The following SLC24A2 variants were observed in gnomAD, a reference collection of about 807,000 sequenced individuals.
SLC24A2 encodes the protein sodium/potassium/calcium exchanger 2.
In SLC24A2, 36 loss-of-function variants were observed where a neutral mutation model predicts 62.0. That is an observed-to-expected ratio of 0.58 (90% CI 0.44 to 0.77). The LOEUF (loss-of-function observed/expected upper bound fraction) is 0.77, where lower values mean the gene tolerates loss of function less well. SLC24A2 is among the 30% of genes least tolerant of loss of function. SLC24A2 has a pLI of 0.00. For synonymous variants in SLC24A2, 358 were observed against 294.0 expected (o/e 1.22, Z -2.23); for missense variants, 846 against 817.9 (o/e 1.03, Z -0.42).
the SLC24A2 span, among the ~76,000 whole-genome samples, chr9:19,830,963 T>C: frequency 6.6e-6 from 1 of 152,174 alleles, no homozygotes; most frequent in African/African-American, 2.4e-5. Context: ...TATTCTCTGC[T>C]TCCAAGAGGG....
chr9:19,933,734 GATGA>G, the SLC24A2 span, among the ~76,000 whole-genome samples: 4 of 152,194 alleles, frequency 2.6e-5, no homozygotes. Flanking sequence ...TTCATCAACT[GATGA>G]ATGGATAAAC....
At chr9:20,265,386 G>A in the SLC24A2 span, among the ~76,000 whole-genome samples, 1 of 152,180 alleles carries the variant, frequency 6.6e-6, no homozygotes, top group Admixed American at 6.5e-5. Context: ...AACATAAATT[G>A]TGAAGATTTC....
At chr9:19,595,748 T>A (rs370509123) in intron 5 of SLC24A2, among the ~76,000 whole-genome samples, 1 of 151,862 alleles carries the variant, frequency 6.6e-6, no homozygotes, top group Admixed American at 6.6e-5. Context: ...CAAAAGTACG[T>A]AGGAGGTAGG....
chr9:19,734,789 G>T (rs1330561679), intron 2 of SLC24A2, among the ~76,000 whole-genome samples: 1 of 60,754 alleles, frequency 1.6e-5, no homozygotes, highest in Non-Finnish European at 2.7e-5. Context: ...GGGCTGAGAT[G>T]ATGGGTTTTC....
At chr9:19,541,506 G>T (rs1332362864) in intron 8 of SLC24A2, among the ~76,000 whole-genome samples, 1 of 146,666 alleles carries the variant, frequency 6.8e-6, no homozygotes, top group Non-Finnish European at 1.5e-5. Flanking sequence ...GTGCCTCCCA[G>T]TTAGGCTGCT....
At chr9:20,115,204 A>T in the SLC24A2 span, among the ~76,000 whole-genome samples, 3 of 152,146 alleles carry the variant, frequency 2.0e-5, no homozygotes, top group Non-Finnish European at 4.4e-5. Context: ...TTATCTTATC[A>T]TGCAGATAAA....
At chr9:19,916,981 G>GTTTTTTTTTTTTTTTTTTTTT in the SLC24A2 span, among the ~76,000 whole-genome samples, 3 of 72,012 alleles carry the variant, frequency 4.2e-5, no homozygotes, top group Non-Finnish European at 5.0e-5. Flanking sequence ...TAACTTACCT[G>GTTTTTTTTTTTTTTTTTTTTT]TTTTTTTTTT....
chr9:19,597,524 G>A (rs1447919276), intron 4 of SLC24A2, among the ~76,000 whole-genome samples: 1 of 152,156 alleles, frequency 6.6e-6, no homozygotes, highest in Non-Finnish European at 1.5e-5. Context: ...ATAGGGCACA[G>A]TTATCTTAAC....
chr9:20,121,926 T>C, the SLC24A2 span, among the ~76,000 whole-genome samples: 3 of 152,204 alleles, frequency 2.0e-5, no homozygotes, highest in Non-Finnish European at 2.9e-5. Flanking sequence ...GCATGCATTA[T>C]ACACAACTTC....
the SLC24A2 span, among the ~76,000 whole-genome samples, chr9:20,244,337 T>C: frequency 1.3e-5 from 2 of 152,112 alleles, no homozygotes; most frequent in Admixed American, 1.3e-4. Context: ...CATTTCAGCA[T>C]TGTAAAGAGC....
chr9:19,937,983 A>G, the SLC24A2 span, among the ~76,000 whole-genome samples: 3 of 152,216 alleles, frequency 2.0e-5, no homozygotes, highest in Admixed American at 1.3e-4. Flanking sequence ...AAAGAAGAAA[A>G]CAGAACAGTA....
chr9:20,019,339 C>T, the SLC24A2 span, among the ~76,000 whole-genome samples: 1 of 151,192 alleles, frequency 6.6e-6, no homozygotes, highest in Non-Finnish European at 1.5e-5. Flanking sequence ...CAAGTTCATA[C>T]AGCTAGAAAG....
intron 7 of SLC24A2, among the ~76,000 whole-genome samples, chr9:19,568,420 C>T (rs1320500138): frequency 6.6e-6 from 1 of 152,194 alleles, no homozygotes; most frequent in East Asian, 1.9e-4. Flanking sequence ...CATGGTCTAC[C>T]AATAGACGCC....
At chr9:19,705,266 T>A (rs1299965067) in intron 2 of SLC24A2, 3 of 152,416 alleles carry the variant, frequency 2.0e-5, no homozygotes, top group African/African-American at 7.2e-5. Context: ...CTTAAAAAGT[T>A]GACTGATTGG....
At chr9:20,245,859 A>G in the SLC24A2 span, among the ~76,000 whole-genome samples, 1 of 152,182 alleles carries the variant, frequency 6.6e-6, no homozygotes, top group Non-Finnish European at 1.5e-5. Flanking sequence ...TCCTTATTTA[A>G]CCTTCAAGAC....
chr9:19,893,852 C>A, the SLC24A2 span, among the ~76,000 whole-genome samples: 2 of 152,176 alleles, frequency 1.3e-5, no homozygotes, highest in African/African-American at 4.8e-5. Context: ...GTTTCTCTGC[C>A]ATCCGCCACA....
the SLC24A2 span, among the ~76,000 whole-genome samples, chr9:20,193,670 G>T: frequency 6.6e-5 from 10 of 151,972 alleles, no homozygotes; most frequent in African/African-American, 2.2e-4. Flanking sequence ...AAATATTTAG[G>T]ATGTTGATTT....
At chr9:20,129,433 T>C in the SLC24A2 span, among the ~76,000 whole-genome samples, 1 of 152,112 alleles carries the variant, frequency 6.6e-6, no homozygotes, top group Non-Finnish European at 1.5e-5. Flanking sequence ...ACCAGTAATT[T>C]ACACGAAGAA....
At chr9:20,112,980 G>C in the SLC24A2 span, among the ~76,000 whole-genome samples, 13 of 152,234 alleles carry the variant, frequency 8.5e-5, no homozygotes, top group South Asian at 2.1e-4. Context: ...CACAAGTGAA[G>C]CAAGTAATTC....
Sources: gnomAD v4.1 joint callset for allele counts (sites outside exome capture counted in the v4.1 genomes callset) on GRCh38, gnomAD v4.1.1 for gene constraint, MANE v1.5 for transcripts, NCBI Gene and HGNC (gene_info 2026-07-23, HGNC 2026-07-21) for gene names.